Variants in MKLN1 observed in about 807,000 individuals in gnomAD.
MKLN1 encodes the protein muskelin 1.
MKLN1 carries 18 observed loss-of-function variants against 99.0 expected under a neutral mutation model. The observed-to-expected ratio is 0.18, with a 90% CI of 0.13 to 0.27. The LOEUF (loss-of-function observed/expected upper bound fraction) is 0.27. MKLN1 is among the 10% of genes least tolerant of loss of function. The pLI, the probability that MKLN1 is intolerant of heterozygous loss-of-function variation, is 1.00. For missense variants in MKLN1, 621 were observed against 875.9 expected, an observed-to-expected ratio of 0.71 and a Z score of 3.67; for synonymous variants, 288 against 293.2, an observed-to-expected ratio of 0.98 and a Z score of 0.18.
At chr7:131,420,247 G>GTAGC (rs1795151212) in intron 8 of MKLN1, among the ~76,000 whole-genome samples, 1 of 151,746 alleles carries the variant, frequency 6.6e-6, no homozygotes, top group Admixed American at 6.6e-5. Context: ...TTATGAAAGA[G>GTAGC]TAGCTATTAG....
intron 1 of MKLN1, among the ~76,000 whole-genome samples, chr7:131,363,843 C>T (rs1800100310): frequency 6.6e-6 from 1 of 151,216 alleles, no homozygotes; most frequent in Non-Finnish European, 1.5e-5. Flanking sequence ...ACCATGTTTA[C>T]AATTCTACTT....
intron 2 of MKLN1, among the ~76,000 whole-genome samples, chr7:131,159,553 C>T (rs1253324901): frequency 3.3e-5 from 5 of 151,704 alleles, no homozygotes; most frequent in Non-Finnish European, 7.4e-5. Context: ...ATGGTGGTTA[C>T]CAGAGGCTGG....
chr7:131,240,819 T>G (rs762042533), intron 3 of MKLN1, among the ~76,000 whole-genome samples: 1 of 152,070 alleles, frequency 6.6e-6, no homozygotes, highest in Non-Finnish European at 1.5e-5. Flanking sequence ...TAAAGGAAAA[T>G]CTTGCTATCT....
At chr7:131,292,697 C>T (rs1043797336) in intron 3 of MKLN1, among the ~76,000 whole-genome samples, 2 of 152,190 alleles carry the variant, frequency 1.3e-5, no homozygotes, top group Non-Finnish European at 2.9e-5. Flanking sequence ...ATGGCCCTGC[C>T]AACACATTCT....
chr7:131,188,732 G>A (rs1796489461), intron 2 of MKLN1, among the ~76,000 whole-genome samples: 1 of 152,176 alleles, frequency 6.6e-6, no homozygotes, highest in Non-Finnish European at 1.5e-5. Context: ...CAAGGGGCAG[G>A]GAAACAGGAG....
intron 2 of MKLN1, among the ~76,000 whole-genome samples, chr7:131,148,840 G>T (rs1433503430): frequency 6.6e-6 from 1 of 152,168 alleles, no homozygotes; most frequent in Admixed American, 6.5e-5. Flanking sequence ...AATTAAGTTG[G>T]TCTGGCTCTG....
At chr7:131,263,368 T>TAAGAATAATAAA (rs1554544041) in intron 3 of MKLN1, among the ~76,000 whole-genome samples, 2 of 140,350 alleles carry the variant, frequency 1.4e-5, no homozygotes, top group African/African-American at 5.2e-5. Flanking sequence ...ATAATAATAA[T>TAAGAATAATAAA]AATAAAATTA....
intron 2 of MKLN1, among the ~76,000 whole-genome samples, chr7:131,157,361 GCACTC>G (rs1170340104): frequency 1.3e-5 from 2 of 152,168 alleles, no homozygotes; most frequent in Admixed American, 1.3e-4. Context: ...TCACAATACT[GCACTC>G]CAGCCCGGCT....
intron 2 of MKLN1, among the ~76,000 whole-genome samples, chr7:131,180,522 A>G (rs1421122567): frequency 6.6e-6 from 1 of 152,080 alleles, no homozygotes; most frequent in Non-Finnish European, 1.5e-5. Context: ...AACATGGTGA[A>G]ACTCTGTCTC....
chr7:131,312,272 C>G (rs1269710328), intron 3 of MKLN1, among the ~76,000 whole-genome samples: 2 of 152,144 alleles, frequency 1.3e-5, no homozygotes, highest in African/African-American at 4.8e-5. Context: ...ATCTGCCCAC[C>G]TCACCCTTCC....
At chr7:131,111,062 A>C (rs1795189238) in intron 1 of MKLN1, among the ~76,000 whole-genome samples, 1 of 152,016 alleles carries the variant, frequency 6.6e-6, no homozygotes, top group Non-Finnish European at 1.5e-5. Context: ...TTCTCCAGAC[A>C]ACTTTTTAAT....
At chr7:131,354,525 G>A (rs1018996668) in intron 1 of MKLN1, among the ~76,000 whole-genome samples, 2 of 149,374 alleles carry the variant, frequency 1.3e-5, no homozygotes, top group Non-Finnish European at 3.0e-5. Context: ...GGGGGGGGGC[G>A]TAAATCTTGT....
chr7:131,252,594 C>T (rs1584869193), intron 3 of MKLN1, among the ~76,000 whole-genome samples: 1 of 151,968 alleles, frequency 6.6e-6, no homozygotes, highest in East Asian at 1.9e-4. Context: ...TCCCAAAGTA[C>T]TGGGATTATA....
At chr7:131,441,585 C>T (rs567353790) in intron 10 of MKLN1, among the ~76,000 whole-genome samples, 3 of 151,900 alleles carry the variant, frequency 2.0e-5, no homozygotes, top group South Asian at 2.1e-4. Context: ...GAAATTTTTT[C>T]GGAGAGTAAA....
At chr7:131,115,165 T>A (rs1225745947) in intron 1 of MKLN1, among the ~76,000 whole-genome samples, 4 of 152,128 alleles carry the variant, frequency 2.6e-5, no homozygotes, top group Non-Finnish European at 5.9e-5. Flanking sequence ...GAGAGTGGTG[T>A]AATCCATGGT....
At chr7:131,256,296 T>C (rs896717611) in intron 3 of MKLN1, among the ~76,000 whole-genome samples, 1 of 152,184 alleles carries the variant, frequency 6.6e-6, no homozygotes, top group Non-Finnish European at 1.5e-5. Flanking sequence ...AGATAATTTA[T>C]TGCTAGATTA....
intron 3 of MKLN1, among the ~76,000 whole-genome samples, chr7:131,274,380 C>T (rs182428173): frequency 1.1e-4 from 16 of 152,076 alleles, no homozygotes; most frequent in East Asian, 7.7e-4. Flanking sequence ...TGGTGGCTCA[C>T]GCCTGTAATC....
Position 131,125,165 on chromosome 7 carries a change from C to T in MKLN1, c.-419+14958C>T, listed in dbSNP as rs143030645. Among the ~76,000 whole-genome samples, 40 of 152,238 alleles carry T rather than the reference C, an allele frequency of 2.6e-4. No homozygotes were observed. In the East Asian group the frequency reaches 6.8e-3, roughly 26 times the overall value. ...TGACAAAATTATTGGCACAGGGACA[C>T]GATATAGGGGTAATGGAGAACTTCA... On this transcript the variant is annotated intron_variant, in intron 1 of 7. Transcript: ENST00000416992.
At chr7:131,286,107 C>A (rs192826795) in intron 3 of MKLN1, among the ~76,000 whole-genome samples, 1 of 152,068 alleles carries the variant, frequency 6.6e-6, no homozygotes, top group South Asian at 2.1e-4. Flanking sequence ...TGCGTTATCA[C>A]GCCGGACTAA....
Sources: gnomAD v4.1 joint callset for allele counts (sites outside exome capture counted in the v4.1 genomes callset) on GRCh38, gnomAD v4.1.1 for gene constraint, MANE v1.5 for transcripts, NCBI Gene and HGNC (gene_info 2026-07-23, HGNC 2026-07-21) for gene names.